Variants in LOXHD1 observed in about 807,000 individuals in gnomAD.
LOXHD1 encodes the protein lipoxygenase homology domain-containing protein 1.
In LOXHD1, 205 loss-of-function variants were observed where a neutral mutation model predicts 248.2. That is an observed-to-expected ratio of 0.83 (90% CI 0.74 to 0.93). LOXHD1 has a LOEUF of 0.93. Among genes scored for constraint, LOXHD1 ranks in the 40% least tolerant of loss-of-function variants. The probability of loss-of-function intolerance (pLI) is 0.00; values close to 1 mark genes in which losing one functional copy is unlikely to be tolerated. For synonymous variants in LOXHD1, 1,113 were observed against 1,162.8 expected, an observed-to-expected ratio of 0.96 and a Z score of 0.87; for missense variants, 2,930 against 2,971.6, an observed-to-expected ratio of 0.99 and a Z score of 0.33.
chr18:46,591,875 C>T (rs2038175250), intron 12 of LOXHD1, 58 bp downstream of exon 12: 8 of 1,544,938 alleles, frequency 5.2e-6, no homozygotes, highest in East Asian at 4.9e-5. Context: ...TCAGGCCCAT[C>T]GGGACACCAA....
chr18:46,628,318 C>T (rs565277822), intron 4 of LOXHD1, among the ~76,000 whole-genome samples: 5 of 151,874 alleles, frequency 3.3e-5, no homozygotes, highest in African/African-American at 7.2e-5. Flanking sequence ...ATGGGGTGGG[C>T]GGGGAGCTGC....
intron 4 of LOXHD1, among the ~76,000 whole-genome samples, chr18:46,634,924 A>G (rs971102052): frequency 2.0e-5 from 3 of 152,186 alleles, no homozygotes; most frequent in African/African-American, 7.2e-5. Context: ...TCCATTTAAA[A>G]ATGGTGAAGG....
intron 1 of LOXHD1, 29 bp downstream of exon 1, chr18:46,656,875 C>A: frequency 6.5e-7 from 1 of 1,548,884 alleles, no homozygotes; most frequent in South Asian, 1.2e-5. Flanking sequence ...AGCTGCACCA[C>A]CCGCCCCCCG....
intron 33 of LOXHD1, chr18:46,520,256 A>T (rs1237601203): frequency 4.3e-6 from 2 of 470,376 alleles, no homozygotes; most frequent in East Asian, 1.4e-4. Context: ...TCCATATACA[A>T]TGTAGGCAGA....
intron 26 of LOXHD1, among the ~76,000 whole-genome samples, chr18:46,537,619 G>A (rs1269512280): frequency 1.2e-4 from 18 of 152,300 alleles, no homozygotes; most frequent in African/African-American, 4.1e-4. Flanking sequence ...AAGGCATTAT[G>A]ACCTACATGC....
At chr18:46,589,964 C>T (rs1317669525) in intron 12 of LOXHD1, among the ~76,000 whole-genome samples, 1 of 152,080 alleles carries the variant, frequency 6.6e-6, no homozygotes, top group Non-Finnish European at 1.5e-5. Flanking sequence ...CTCTAGAAAA[C>T]CTTATCAAAA....
rs571079204 is a variant in LOXHD1, at chr18:46,511,530, T to A, written c.5400-1715A>T. Reference sequence around the variant, plus strand: ...TGTTCCTGCCTGCTATGAAAGGCTGTCCTTAGGGAGGGCCCAGCAACCACT... The same window carrying A: ...TGTTCCTGCCTGCTATGAAAGGCTGACCTTAGGGAGGGCCCAGCAACCACT... On this transcript the variant is annotated intron_variant, in intron 34 of 40. Transcript: ENST00000642948. 1.4e-4 allele frequency among the ~76,000 whole-genome samples: 22 copies of A among 152,304 alleles called. No homozygotes were observed. In the East Asian group the frequency reaches 1.7e-3, roughly 12 times the overall value.
At chr18:46,606,458 C>T (rs1383113305) in intron 6 of LOXHD1, among the ~76,000 whole-genome samples, 1 of 152,158 alleles carries the variant, frequency 6.6e-6, no homozygotes, top group Non-Finnish European at 1.5e-5. Flanking sequence ...GAAAATTCCA[C>T]ACCAGACCCT....
intron 38 of LOXHD1, among the ~76,000 whole-genome samples, chr18:46,487,837 T>C (rs2033174008): frequency 6.6e-6 from 1 of 152,190 alleles, no homozygotes; most frequent in Admixed American, 6.5e-5. Context: ...CAGCCAAGTC[T>C]CGGCTAGAGC....
At chr18:46,501,835 AG>A (rs1205858122) in intron 37 of LOXHD1, among the ~76,000 whole-genome samples, 3 of 152,232 alleles carry the variant, frequency 2.0e-5, no homozygotes, top group Non-Finnish European at 2.9e-5. Flanking sequence ...AGGCCTGCAA[AG>A]GACCTGGACT....
intron 36 of LOXHD1, 81 bp downstream of exon 36, chr18:46,507,457 T>C: frequency 6.7e-7 from 1 of 1,502,176 alleles, no homozygotes; most frequent in Non-Finnish European, 9.0e-7. Flanking sequence ...AAAAATGCCC[T>C]GACCAGAAAC....
In LOXHD1 at chr18:46,645,570, C is replaced by T. The variant is rs758924876; in HGVS notation, c.246-3534G>A. ...TGGCCCTGGTTAATGGGGAAGAGTG[C>T]GAGGAAACCCAGAAGATGGGGCCTT... is the stretch of plus-strand genomic sequence containing the variant. On this transcript the variant is annotated intron_variant, in intron 2 of 40. Transcript: ENST00000642948. Among the ~76,000 whole-genome samples, 7 of 151,972 alleles carry T rather than the reference C, an allele frequency of 4.6e-5. 1 individual carries two copies. In the South Asian group the frequency reaches 6.2e-4, roughly 13 times the overall value.
intron 13 of LOXHD1, 55 bp downstream of exon 13, chr18:46,579,575 C>A: frequency 1.3e-6 from 2 of 1,549,412 alleles, no homozygotes; most frequent in South Asian, 1.2e-5. Context: ...GACGAGGGAA[C>A]ATGGGAAGGG....
At chr18:46,642,104 G>C in intron 2 of LOXHD1, 68 bp from the exon 3 acceptor site, 1 of 1,395,648 alleles carries the variant, frequency 7.2e-7, no homozygotes. Flanking sequence ...AGAGCCAAGG[G>C]CTGGCATTCC....
intron 5 of LOXHD1, among the ~76,000 whole-genome samples, chr18:46,616,431 T>C (rs1218485857): frequency 1.3e-5 from 2 of 152,212 alleles, no homozygotes; most frequent in African/African-American, 4.8e-5. Flanking sequence ...ATCATCCACT[T>C]TCCTTCTCAA....
intron 25 of LOXHD1, 113 bp downstream of exon 25, chr18:46,541,663 C>G (rs1484962017): frequency 7.9e-7 from 1 of 1,264,516 alleles, no homozygotes; most frequent in East Asian, 2.6e-5. Context: ...AGACCAAAAT[C>G]TTCAAGGTGG....
chr18:46,512,375 C>G (rs577673171), intron 34 of LOXHD1, among the ~76,000 whole-genome samples: 1 of 152,132 alleles, frequency 6.6e-6, no homozygotes, highest in African/African-American at 2.4e-5. Flanking sequence ...TAATTGTACC[C>G]CCAAACCAAT....
Position 46,594,293 on chromosome 18 carries a change from G to A in LOXHD1, c.1270+38C>T, listed in dbSNP as rs1446679463. The stretch of plus-strand genomic sequence containing the variant: ...GACATTCTGGCCTCTGCTGACCCTG[G>A]CTGAGAGGCCTCCAGGTTCTGGGTC... On this transcript the variant is annotated intron_variant, in intron 9 of 40. Transcript: ENST00000642948. The A allele has an allele frequency of 4.5e-6, 7 of 1,550,432 alleles. No individual in the cohort carries two copies. The South Asian group carries it at 7.1e-5, about 16-fold the overall frequency.
intron 35 of LOXHD1, among the ~76,000 whole-genome samples, chr18:46,508,654 G>A (rs1401883192): frequency 6.6e-6 from 1 of 152,236 alleles, no homozygotes; most frequent in Non-Finnish European, 1.5e-5. Context: ...ATTATGTAAG[G>A]AGGACTGGCA....
Sources: gnomAD v4.1 joint callset for allele counts (sites outside exome capture counted in the v4.1 genomes callset) on GRCh38, gnomAD v4.1.1 for gene constraint, MANE v1.5 for transcripts, NCBI Gene and HGNC (gene_info 2026-07-23, HGNC 2026-07-21) for gene names.